Variants in HDAC8 observed in about 807,000 individuals in gnomAD.
The protein encoded by HDAC8 is histone deacetylase-like 1.
Under a neutral mutation model 32.2 loss-of-function variants are expected in HDAC8, and 1 was observed. The ratio of observed to expected loss-of-function variants is 0.03; its 90% CI spans 0.01 to 0.15. HDAC8 has a LOEUF of 0.15. HDAC8 is among the 10% of genes least tolerant of loss of function. The pLI is 1.00. For synonymous variants in HDAC8, 108 were observed against 113.9 expected, an observed-to-expected ratio of 0.95 and a Z score of 0.33; for missense variants, 117 against 300.0, an observed-to-expected ratio of 0.39 and a Z score of 4.51.
intron 4 of HDAC8, among the ~76,000 whole-genome samples, chrX:72,533,445 G>C (rs1232200859): frequency 3.6e-5 from 4 of 111,514 alleles, no homozygotes; most frequent in African/African-American, 1.3e-4. Context: ...ATTTAAAGTA[G>C]AAATAATACC....
rs782062394 is a variant in HDAC8, at chrX:72,572,843, T to C, written c.-82A>G. On this transcript the variant is annotated 5_prime_UTR_variant, in exon 1 of 11. Transcript: ENST00000373573. ...GCCAGGGTTCCAGTTCCTGCTCCTCTGATCGGCCGCAGCGGTGCTCCCTGG... is the reference window on the plus strand; with the variant it reads ...GCCAGGGTTCCAGTTCCTGCTCCTCCGATCGGCCGCAGCGGTGCTCCCTGG... The C allele has an allele frequency of 1.0e-5, 8 of 797,887 alleles. No homozygotes were observed. Among genetic ancestry groups the C allele is most frequent in the Non-Finnish European group, 1.5e-5 (8 of 529,700 alleles). 65.8% of individuals were successfully genotyped at this position (797,887 alleles called of 1,213,427 possible).
intron 9 of HDAC8, among the ~76,000 whole-genome samples, chrX:72,432,006 T>TA (rs1555977623): frequency 1.8e-5 from 2 of 111,723 alleles, no homozygotes; most frequent in African/African-American, 6.5e-5. Context: ...TTCATGATAT[T>TA]AATCATTGTG....
At chrX:72,567,791 G>C in intron 4 of HDAC8, 98 bp downstream of exon 4, 1 of 1,210,400 alleles carries the variant, frequency 8.3e-7, no homozygotes, top group Non-Finnish European at 1.1e-6. Flanking sequence ...ATACACACAC[G>C]TCTCTCTGTA....
rs781878274 is a variant in HDAC8 at position 72,329,757 on chromosome X, G to A, written c.*297C>T. Reference sequence around the variant, plus strand: ...ATTAAAATACTCCCCTCCCCAATTCGCTTAAAAATAATTTTCAAAGATTAA... The same window carrying A: ...ATTAAAATACTCCCCTCCCCAATTCACTTAAAAATAATTTTCAAAGATTAA... On this transcript the variant is annotated 3_prime_UTR_variant, in exon 11 of 11. Coordinates refer to ENST00000373573, the MANE Select transcript of HDAC8 (RefSeq NM_018486.3). 3.5e-6 allele frequency: 4 copies of A among 1,144,394 alleles called. No homozygotes were observed. The highest frequency in any genetic ancestry group is 2.0e-5 in the South Asian group (1 of 49,990). 94.3% of individuals were successfully genotyped at this position (1,144,394 alleles called of 1,213,427 possible). A position where few individuals can be genotyped will look rare whatever the true frequency, so the allele number is the denominator to read the frequency against.
At chrX:72,559,974 G>A (rs868985780) in intron 4 of HDAC8, among the ~76,000 whole-genome samples, 6 of 105,315 alleles carry the variant, frequency 5.7e-5, no homozygotes, top group African/African-American at 2.1e-4. Flanking sequence ...CCGCTGCCCC[G>A]TCTGGGAGGT....
intron 9 of HDAC8, among the ~76,000 whole-genome samples, chrX:72,435,323 G>A (rs1288323438): frequency 9.0e-6 from 1 of 111,348 alleles, no homozygotes; most frequent in Admixed American, 9.5e-5. Flanking sequence ...AGAGTTCAAG[G>A]TCACCAGAGT....
At chrX:72,533,831 A>G (rs2050430157) in intron 4 of HDAC8, among the ~76,000 whole-genome samples, 1 of 111,233 alleles carries the variant, frequency 9.0e-6, no homozygotes, top group Non-Finnish European at 1.9e-5. Flanking sequence ...CGATATAAAC[A>G]CTCACTAGGA....
At chrX:72,440,762 G>GGAGT (rs782199548) in intron 9 of HDAC8, among the ~76,000 whole-genome samples, 18 of 111,956 alleles carry the variant, frequency 1.6e-4, no homozygotes, top group Non-Finnish European at 1.9e-4. Flanking sequence ...AAGGGGTCAG[G>GGAGT]GAGTTCCCTT....
At chrX:72,395,457 A>G (rs1280813533) in intron 9 of HDAC8, among the ~76,000 whole-genome samples, 1 of 112,215 alleles carries the variant, frequency 8.9e-6, no homozygotes, top group Non-Finnish European at 1.9e-5. Context: ...AGCCAGCTGT[A>G]TAGACAGCTG....
chrX:72,387,981 GATGACATGGGGATTGGA>G (rs1228357776), intron 9 of HDAC8, among the ~76,000 whole-genome samples: 3 of 110,989 alleles, frequency 2.7e-5, no homozygotes, highest in African/African-American at 9.8e-5. Context: ...TTCACAGACA[GATGACATGGGGATTGGA>G]ATTTGAAGGA....
intron 9 of HDAC8, among the ~76,000 whole-genome samples, chrX:72,426,021 C>G (rs933082280): frequency 8.9e-6 from 1 of 112,015 alleles, no homozygotes; most frequent in African/African-American, 3.2e-5. Flanking sequence ...CTGGACAGAT[C>G]CCTCTCAAGG....
At chrX:72,515,598 TG>T (rs1436119028) in intron 4 of HDAC8, among the ~76,000 whole-genome samples, 1 of 22,159 alleles carries the variant, frequency 4.5e-5, no homozygotes, top group Non-Finnish European at 8.0e-5. Flanking sequence ...GGGGGGGGGG[TG>T]GGGGGGAAGT....
intron 9 of HDAC8, among the ~76,000 whole-genome samples, chrX:72,359,574 G>T (rs1555951819): frequency 9.0e-6 from 1 of 111,227 alleles, no homozygotes. Context: ...CCCATGTTGA[G>T]GAGACAGGAC....
intron 9 of HDAC8, among the ~76,000 whole-genome samples, chrX:72,354,308 T>A (rs1414528909): frequency 8.9e-6 from 1 of 112,147 alleles, no homozygotes; most frequent in Non-Finnish European, 1.9e-5. Flanking sequence ...GCACTGTTCT[T>A]AGGTTAGGGG....
chrX:72,384,169 T>C (rs997925417), intron 9 of HDAC8, among the ~76,000 whole-genome samples: 29 of 111,871 alleles, frequency 2.6e-4, no homozygotes, highest in African/African-American at 7.5e-4. Flanking sequence ...AAATTCATCC[T>C]TTACACAGCA....
intron 9 of HDAC8, among the ~76,000 whole-genome samples, chrX:72,353,895 G>A (rs192377547): frequency 4.5e-5 from 5 of 112,165 alleles, no homozygotes; most frequent in African/African-American, 1.3e-4. Flanking sequence ...CTCCAGGTGC[G>A]AAGATGACAC....
chrX:72,472,805 C>A (rs782513290), intron 7 of HDAC8, among the ~76,000 whole-genome samples: 2 of 111,399 alleles, frequency 1.8e-5, no homozygotes, highest in Non-Finnish European at 3.8e-5. Context: ...TTTTCAGTCA[C>A]CCATGTTCAA....
At chrX:72,394,905 CAG>C (rs1361470218) in intron 9 of HDAC8, among the ~76,000 whole-genome samples, 17 of 111,384 alleles carry the variant, frequency 1.5e-4, no homozygotes, top group Non-Finnish European at 2.4e-4. Flanking sequence ...AAAATGGAAA[CAG>C]GGGCAAATTA....
chrX:72,408,757 G>A (rs782742808), intron 9 of HDAC8, among the ~76,000 whole-genome samples: 1 of 111,767 alleles, frequency 8.9e-6, no homozygotes, highest in Non-Finnish European at 1.9e-5. Context: ...ATATGAAAGT[G>A]GGGGTATGCC....
Sources: gnomAD v4.1 joint callset for allele counts (sites outside exome capture counted in the v4.1 genomes callset) on GRCh38, gnomAD v4.1.1 for gene constraint, MANE v1.5 for transcripts, NCBI Gene and HGNC (gene_info 2026-07-23, HGNC 2026-07-21) for gene names.